Variants in NINJ2 observed in about 807,000 individuals in gnomAD.
NINJ2 encodes ninjurin-2.
NINJ2 carries 12 observed loss-of-function variants against 11.7 expected under a neutral mutation model. The ratio of observed to expected loss-of-function variants is 1.02; its 90% CI spans 0.66 to 1.66. The LOEUF (loss-of-function observed/expected upper bound fraction) is 1.66. Among genes scored for constraint, NINJ2 ranks in the 40% most tolerant of loss-of-function variants. The pLI, the probability that NINJ2 is intolerant of heterozygous loss-of-function variation, is 0.00. For missense variants in NINJ2, 187 were observed against 181.8 expected (o/e 1.03, Z -0.16); for synonymous variants, 93 against 76.8 (o/e 1.21, Z -1.10).
chr12:580,862 GTGTC>G lies in NINJ2; in HGVS notation c.34-14688_34-14685del, dbSNP rs1223146859. Among the ~76,000 whole-genome samples the G allele has an allele frequency of 2.0e-5, 3 of 151,800 alleles. No homozygotes were observed. The highest frequency in any genetic ancestry group is 4.8e-5 in the African/African-American group (2 of 41,288). On this transcript the variant is annotated intron_variant, in intron 1 of 3. Transcript: ENST00000305108. This position sits in a 1 kb window ranked among gnomAD's most constrained non-coding sequence, Gnocchi z 4.7. ...TGCATGTGTGTCTGTGTGTGCATGA[GTGTC>G]TGTGTGAATGTGTCTATGCATGTGT...
intron 1 of NINJ2, among the ~76,000 whole-genome samples, chr12:611,597 C>T (rs1948034656): frequency 6.6e-6 from 1 of 152,254 alleles, no homozygotes; most frequent in Admixed American, 6.5e-5. Flanking sequence ...CTCAGCCTCC[C>T]AAAGTTGGGA....
intron 1 of NINJ2, chr12:643,429 C>T (rs1281739492): frequency 4.0e-6 from 4 of 987,962 alleles, no homozygotes; most frequent in Non-Finnish European, 4.8e-6. Flanking sequence ...TCCGCTCCGC[C>T]GCGACGCGGC....
At chr12:611,849 G>T (rs1948037084) in intron 1 of NINJ2, among the ~76,000 whole-genome samples, 1 of 152,222 alleles carries the variant, frequency 6.6e-6, no homozygotes, top group South Asian at 2.1e-4. Context: ...ATTACTTGTT[G>T]TAGGAGGTTG....
Position 609,789 on chromosome 12 carries a change from A to AAAAAAAAAAAAAG in NINJ2, c.34-43612_34-43611insCTTTTTTTTTTTT, listed in dbSNP as rs71439346. Among the ~76,000 whole-genome samples the AAAAAAAAAAAAAG allele has an allele frequency of 2.1e-3, 241 of 116,594 alleles. 21 individuals are homozygous for AAAAAAAAAAAAAG. The highest frequency in any genetic ancestry group is 6.8e-3 in the East Asian group (27 of 3,996). 76.5% of individuals were successfully genotyped at this position (116,594 alleles called of 152,430 possible). On this transcript the variant is annotated intron_variant, in intron 1 of 3. Transcript: ENST00000305108. ...CTGCCTCAAAAAAAAAAAAAAAAAT[A>AAAAAAAAAAAAAG]GGGAAAACAACAACAGCAGCAATAG...
Position 655,581 on chromosome 12 carries a change from G to A in NINJ2, c.33+7747C>T, listed in dbSNP as rs540775000. ...AAAATATGTACAATATCTATTATGA[G>A]GAAAACTACAAAACTGATTAAATAA... On this transcript the variant is annotated intron_variant, in intron 1 of 3. Transcript: ENST00000305108. 2.6e-5 allele frequency among the ~76,000 whole-genome samples: 4 copies of A among 152,176 alleles called. No homozygotes were observed. In the East Asian group the frequency reaches 7.7e-4, roughly 29 times the overall value.
chr12:571,510 A>G (rs77797953), intron 1 of NINJ2, among the ~76,000 whole-genome samples: 7,634 of 152,264 alleles, frequency 0.05, 258 homozygotes, highest in Non-Finnish European at 0.077. Context: ...CGGCACAGTC[A>G]TTACCCTCCC....
intron 1 of NINJ2, among the ~76,000 whole-genome samples, chr12:649,337 G>T (rs543713400): frequency 6.6e-6 from 1 of 151,946 alleles, no homozygotes; most frequent in Non-Finnish European, 1.5e-5. Context: ...ATGAGCCACC[G>T]CGCCCAGCTG....
At chr12:649,971 A>T (rs1232500663) in intron 1 of NINJ2, among the ~76,000 whole-genome samples, 1 of 152,032 alleles carries the variant, frequency 6.6e-6, no homozygotes, top group Non-Finnish European at 1.5e-5. Flanking sequence ...TTTCTTCATT[A>T]TTGGACTCCC....
At chr12:598,877 T>C (rs7298783) in intron 1 of NINJ2, among the ~76,000 whole-genome samples, 57,296 of 150,960 alleles carry the variant, frequency 0.38, 12,176 homozygotes, top group Non-Finnish European at 0.5. Flanking sequence ...TTTTCATATT[T>C]TTGGTAAGGA....
chr12:593,015 A>G (rs1947736292), intron 1 of NINJ2, among the ~76,000 whole-genome samples: 1 of 152,210 alleles, frequency 6.6e-6, no homozygotes, highest in African/African-American at 2.4e-5. Flanking sequence ...TCCTTTCCCT[A>G]AAAATGCAAT....
At chr12:619,701 C>T (rs1348333478) in intron 1 of NINJ2, among the ~76,000 whole-genome samples, 1 of 152,104 alleles carries the variant, frequency 6.6e-6, no homozygotes, top group Non-Finnish European at 1.5e-5. Flanking sequence ...AGAATGATTC[C>T]TTGGGAAAAG....
rs950548965 is a variant in NINJ2, at chr12:645,469, A to G, written c.33+17859T>C. 46 of 152,230 alleles carry G rather than the reference A, an allele frequency of 3.0e-4. 1 individual carries two copies. The highest frequency in any genetic ancestry group is 3.0e-3 in the Admixed American group (46 of 15,282). 9.4% of individuals were successfully genotyped at this position (152,230 alleles called of 1,614,324 possible). ...GCTTAAGTTTTCTCTAGGAAGTAAC[A>G]GAGGGTAGAATAAATTATTTAGTAT... On this transcript the variant is annotated intron_variant, in intron 1 of 3. Transcript: ENST00000305108.
intron 1 of NINJ2, among the ~76,000 whole-genome samples, chr12:627,499 G>A (rs1356047724): frequency 2.6e-5 from 4 of 152,194 alleles, no homozygotes; most frequent in East Asian, 1.9e-4. Flanking sequence ...TGAGACTGAC[G>A]TAGCCCTTGA....
chr12:577,010 T>C (rs1001427367), intron 1 of NINJ2, among the ~76,000 whole-genome samples: 4 of 152,164 alleles, frequency 2.6e-5, no homozygotes, highest in African/African-American at 9.7e-5. Flanking sequence ...ATTGTTAAAA[T>C]TTAAACAGTA....
At chr12:609,342 A>ACG (rs71439345) in intron 1 of NINJ2, among the ~76,000 whole-genome samples, 16,646 of 111,696 alleles carry the variant, frequency 0.15, 2,037 homozygotes, top group Middle Eastern at 0.23. Flanking sequence ...GCACGGCGCC[A>ACG]CGCTAGGTGC....
chr12:643,306 GTCGCGGCC>G, intron 1 of NINJ2: 2 of 405,268 alleles, frequency 4.9e-6, no homozygotes, highest in Non-Finnish European at 6.7e-6. Flanking sequence ...ACTCTGCACC[GTCGCGGCC>G]TCGCAGCCTC....
chr12:570,445 A>G, intron 1 of NINJ2, among the ~76,000 whole-genome samples: 1 of 152,184 alleles, frequency 6.6e-6, no homozygotes, highest in Non-Finnish European at 1.5e-5. Context: ...CTTTTCGCCC[A>G]CAGCCCAGGG....
chr12:579,908 G>A (rs1311333316), intron 1 of NINJ2, among the ~76,000 whole-genome samples: 8 of 152,238 alleles, frequency 5.3e-5, no homozygotes, highest in South Asian at 2.1e-4. Context: ...GTCACGTTTC[G>A]GTTTACATCC....
intron 1 of NINJ2, among the ~76,000 whole-genome samples, chr12:659,052 TA>T (rs1937917983): frequency 7.4e-6 from 1 of 135,920 alleles, no homozygotes; most frequent in Non-Finnish European, 1.6e-5. Context: ...ATATTATATA[TA>T]ATATATATAT....
Sources: allele counts gnomAD v4.1 joint callset (sites outside exome capture counted in the v4.1 genomes callset), GRCh38; gene constraint gnomAD v4.1.1; non-coding constraint Gnocchi (gnomAD v3.1); transcripts MANE v1.5; gene names NCBI Gene and HGNC (gene_info 2026-07-23, HGNC 2026-07-21).